Variants in AMHR2 observed in about 807,000 individuals in gnomAD.
AMHR2 encodes anti-Muellerian hormone type-2 receptor.
In AMHR2, 36 loss-of-function variants were observed where a neutral mutation model predicts 61.4. The ratio of observed to expected loss-of-function variants is 0.59; its 90% CI spans 0.45 to 0.77. The LOEUF (loss-of-function observed/expected upper bound fraction) is 0.77, where lower values mean the gene tolerates loss of function less well. Among genes scored for constraint, AMHR2 ranks in the 30% least tolerant of loss-of-function variants. AMHR2 has a pLI of 0.00. For synonymous variants in AMHR2, 258 were observed against 279.4 expected (o/e 0.92, Z 0.76); for missense variants, 638 against 714.6 (o/e 0.89, Z 1.22).
rs2136949663 is a variant in AMHR2 at position 53,425,845 on chromosome 12, T to A, written c.778T>A (p.Phe260Ile). ...PGLQHDHIVR[F>I]ITASRGGPGR... ...CCTACAGCACGACCACATTGTCCGA[T>A]TTATCACTGCCAGCCGGGGGGGTCC... is the stretch of plus-strand genomic sequence containing the variant. Residue 260 changes from phenylalanine (F) to isoleucine (I), a missense_variant, in exon 6 of 11, where the codon TTT becomes ATT. Transcript: ENST00000257863. 6.2e-7 allele frequency: 1 copy of A among 1,614,042 alleles called. No individual in the cohort carries two copies.
At chr12:53,424,089 G>C (rs955005447) in intron 1 of AMHR2, 106 bp downstream of exon 1, 1 of 1,423,164 alleles carries the variant, frequency 7.0e-7, no homozygotes, top group African/African-American at 1.4e-5. Context: ...TGGGCTGGGT[G>C]AGTAAGGGTG....
In AMHR2 at chr12:53,425,460, C is replaced by T; in HGVS notation, c.508C>T (p.Leu170=). 3.1e-6 allele frequency: 5 copies of T among 1,613,900 alleles called. No individual in the cohort carries two copies. The highest frequency in any genetic ancestry group is 4.2e-6 in the Non-Finnish European group (5 of 1,180,010). ...LLLGSIILAL[L]QRKNYRVRGE... Reference sequence around the variant, plus strand: ...AAGGCTCTTGTCTGTTCCAGCCCTGCTACAGCGAAAGAACTACAGAGTGCG... The same window carrying T: ...AAGGCTCTTGTCTGTTCCAGCCCTGTTACAGCGAAAGAACTACAGAGTGCG... The change falls in exon 5 of 11, where the codon CTA becomes TTA. Residue 170 remains leucine, a synonymous_variant. Coordinates refer to ENST00000257863, the MANE Select transcript of AMHR2 (RefSeq NM_020547.3).
chr12:53,430,322 G>A, intron 10 of AMHR2, 40 bp downstream of exon 10: 1 of 1,614,018 alleles, frequency 6.2e-7, no homozygotes, highest in Non-Finnish European at 8.5e-7. Flanking sequence ...CCTGGAGAGT[G>A]GGGGCTGGGC....
intron 1 of AMHR2, 47 bp from the exon 2 acceptor site, chr12:53,424,241 A>C: frequency 3.1e-6 from 5 of 1,610,720 alleles, no homozygotes; most frequent in Non-Finnish European, 4.2e-6. Context: ...TTGCCTCTGC[A>C]TTCACTCCCA....
Position 53,429,844 on chromosome 12 carries a change from G to C in AMHR2, c.1154G>C (p.Arg385Thr). The C allele has an allele frequency of 1.9e-6, 3 of 1,614,206 alleles. No homozygotes were observed. Among genetic ancestry groups the C allele is most frequent in the Non-Finnish European group, 2.5e-6 (3 of 1,180,022 alleles). Residue 385 changes from arginine to threonine, a missense_variant, in exon 9 of 11, where the codon AGG (arginine) becomes ACG (threonine). By Grantham distance (71) the Arg-to-Thr change is moderately conservative (BLOSUM62 -1). Transcript: ENST00000257863. ...PAAIMEAGTQRYMAPELLDKT... is the reference protein window; with the variant it reads ...PAAIMEAGTQTYMAPELLDKT... ...CTTGCTCTCCAGGCTGGCACCCAGA[G>C]GTACATGGCACCAGAGCTCTTGGAC...
At chr12:53,424,924 C>G (rs756530741) in intron 3 of AMHR2, 24 bp downstream of exon 3, 9 of 1,604,408 alleles carry the variant, frequency 5.6e-6, no homozygotes, top group Non-Finnish European at 7.6e-6. Flanking sequence ...GGTACTGAAG[C>G]CTGATGGGGG....
At chr12:53,426,007 T>A (rs1180401960) in intron 6 of AMHR2, 88 bp downstream of exon 6, 1 of 1,297,296 alleles carries the variant, frequency 7.7e-7, no homozygotes, top group Admixed American at 1.9e-5. Flanking sequence ...CCCTGTTGAT[T>A]GCTTCTGCTT....
rs1592611305 is a variant in AMHR2 at position 53,431,562 on chromosome 12, A to C, written c.*89A>C. On this transcript the variant is annotated 3_prime_UTR_variant, in exon 11 of 11. Coordinates refer to ENST00000257863, the MANE Select transcript of AMHR2 (RefSeq NM_020547.3). The stretch of plus-strand genomic sequence containing the variant: ...TGTCTGCCTCATCACTGCATTTCCC[A>C]CCTGCCGAATCCTTGGATTCTTCTG... 1.2e-4 allele frequency: 188 copies of C among 1,537,354 alleles called. No individual in the cohort carries two copies. The highest frequency in any genetic ancestry group is 9.0e-5 in the East Asian group (4 of 44,214).
Position 53,424,355 on chromosome 12 carries a change from G to T in AMHR2, c.117G>T (p.Leu39=). The change falls in exon 2 of 11, where the codon CTG becomes CTT. Residue 39 remains leucine (L), a synonymous_variant. Transcript: ENST00000257863. ...APGVRGSTKT[L]GELLDTGTEL... The stretch of plus-strand genomic sequence containing the variant: ...GAGTGCGGGGAAGCACAAAGACACT[G>T]GGAGAGCTGCTAGATACAGGCACAG... 1 of 1,613,456 alleles carries T rather than the reference G, an allele frequency of 6.2e-7. No homozygotes were observed. The highest frequency in any genetic ancestry group is 8.5e-7 in the Non-Finnish European group (1 of 1,180,026).
chr12:53,424,990 C>A, intron 3 of AMHR2, 90 bp downstream of exon 3: 1 of 1,549,914 alleles, frequency 6.5e-7, no homozygotes, highest in Non-Finnish European at 8.8e-7. Flanking sequence ...ACCCTACTCC[C>A]GCCCCACGCT....
At chr12:53,425,294 G>A (rs886743718) in intron 4 of AMHR2, 52 bp downstream of exon 4, 3 of 1,609,990 alleles carry the variant, frequency 1.9e-6, no homozygotes, top group Non-Finnish European at 1.7e-6. Flanking sequence ...TGCCCCAAAA[G>A]CTCTGACCCC....
At chr12:53,424,504 G>C (rs1399579525) in intron 2 of AMHR2, 34 bp downstream of exon 2, 1 of 1,604,348 alleles carries the variant, frequency 6.2e-7, no homozygotes, top group South Asian at 1.1e-5. Context: ...GTGATGGCTA[G>C]GGTGGGAGAC....
At chr12:53,424,508 G>T in intron 2 of AMHR2, 38 bp downstream of exon 2, 1 of 1,602,418 alleles carries the variant, frequency 6.2e-7, no homozygotes, top group Non-Finnish European at 8.5e-7. Flanking sequence ...TGGCTAGGGT[G>T]GGAGACAGAC....
chr12:53,427,678 C>G (rs946896994), intron 6 of AMHR2, among the ~76,000 whole-genome samples: 1 of 152,254 alleles, frequency 6.6e-6, no homozygotes, highest in Admixed American at 6.5e-5. Flanking sequence ...GCTGGAATTA[C>G]AGGCGTGAGC....
intron 6 of AMHR2, 147 bp downstream of exon 6, chr12:53,426,066 C>T: frequency 1.1e-6 from 1 of 929,912 alleles, no homozygotes. Context: ...CGAGGTGGCC[C>T]ACACCTGTAA....
At chr12:53,427,268 C>G (rs1316810215) in intron 6 of AMHR2, among the ~76,000 whole-genome samples, 1 of 152,166 alleles carries the variant, frequency 6.6e-6, no homozygotes, top group Non-Finnish European at 1.5e-5. Context: ...CAATGAGCAA[C>G]AAGAAGAGGA....
intron 8 of AMHR2, 22 bp from the exon 9 acceptor site, chr12:53,429,809 C>G (rs1240695364): frequency 6.2e-7 from 1 of 1,614,060 alleles, no homozygotes; most frequent in Non-Finnish European, 8.5e-7. Context: ...TGATTCTTGG[C>G]CCTTCGTGCC....
Position 53,431,413 on chromosome 12 carries a change from C to T in AMHR2, c.1662C>T (p.Ser554=), listed in dbSNP as rs145468459. The T allele has an allele frequency of 2.9e-5, 47 of 1,614,260 alleles. No homozygotes were observed. The Middle Eastern group carries it at 4.9e-4, about 17-fold the overall frequency. Residue 554 remains serine, a synonymous_variant, in exon 11 of 11, where the codon AGC becomes AGT. Coordinates refer to ENST00000257863, the MANE Select transcript of AMHR2 (RefSeq NM_020547.3). ...CRPQRSACHF[S]VQQGPCSRNP... is the part of the protein sequence containing the mutation. ...CTCAGCGGAGTGCCTGCCACTTCAG[C>T]GTTCAGCAAGGCCCTTGTTCCAGGA...
At chr12:53,428,829 T>C (rs1013260052) in intron 6 of AMHR2, 67 bp from the exon 7 acceptor site, 31 of 1,172,024 alleles carry the variant, frequency 2.6e-5, no homozygotes, top group Middle Eastern at 2.4e-4. Context: ...AATTGATCTC[T>C]GCTCCCTGGG....
Sources: allele counts gnomAD v4.1 joint callset (sites outside exome capture counted in the v4.1 genomes callset), GRCh38; gene constraint gnomAD v4.1.1; transcripts MANE v1.5; gene names NCBI Gene and HGNC (gene_info 2026-07-23, HGNC 2026-07-21).